Variants in ATP13A4 observed in about 807,000 individuals in gnomAD.
ATP13A4 encodes the protein probable cation-transporting ATPase 13A4.
ATP13A4 carries 114 observed loss-of-function variants against 142.5 expected under a neutral mutation model. The ratio of observed to expected loss-of-function variants is 0.80; its 90% CI spans 0.69 to 0.93. The LOEUF (loss-of-function observed/expected upper bound fraction) is 0.93. ATP13A4 is among the 40% of genes least tolerant of loss of function. The pLI is 0.00. For missense variants in ATP13A4, 1,392 were observed against 1,454.0 expected (o/e 0.96, Z 0.69); for synonymous variants, 488 against 514.8 (o/e 0.95, Z 0.70).
intron 2 of ATP13A4, among the ~76,000 whole-genome samples, chr3:193,565,851 G>A (rs1459625408): frequency 2.0e-5 from 3 of 152,228 alleles, no homozygotes; most frequent in African/African-American, 4.8e-5. Context: ...ACTATGTGAT[G>A]TTGAACGCAC....
intron 8 of ATP13A4, among the ~76,000 whole-genome samples, chr3:193,478,947 T>C (rs1021248244): frequency 3.9e-5 from 6 of 152,118 alleles, no homozygotes; most frequent in African/African-American, 1.4e-4. Context: ...ATACCAAGAA[T>C]GCAGGGATGA....
chr3:193,408,033 T>A (rs969761474), intron 28 of ATP13A4, among the ~76,000 whole-genome samples: 1 of 152,254 alleles, frequency 6.6e-6, no homozygotes, highest in Non-Finnish European at 1.5e-5. Flanking sequence ...TTTCTCTGTG[T>A]CTTCCCCAAC....
At chr3:193,449,974 T>C (rs1478854414) in intron 17 of ATP13A4, among the ~76,000 whole-genome samples, 3 of 151,836 alleles carry the variant, frequency 2.0e-5, no homozygotes, top group Non-Finnish European at 2.9e-5. Context: ...ACAACATTAG[T>C]TGGGCATGGT....
rs1185853721 is a variant in ATP13A4, at chr3:193,424,939, C to G, written c.2842+8906G>C. Among the ~76,000 whole-genome samples, 2 of 147,918 alleles carry G rather than the reference C, an allele frequency of 1.4e-5. 1 individual carries two copies. The highest frequency in any genetic ancestry group is 5.0e-5 in the African/African-American group (2 of 40,282). ...TAAACTATGCAGTATAATAAAATAG[C>G]CCCTGACAAGGGATTAATATCCAGA... is the stretch of plus-strand genomic sequence containing the variant. On this transcript the variant is annotated intron_variant, in intron 25 of 29. Coordinates refer to ENST00000342695, the MANE Select transcript of ATP13A4 (RefSeq NM_032279.4).
intron 17 of ATP13A4, among the ~76,000 whole-genome samples, chr3:193,452,507 A>G (rs1717338403): frequency 6.6e-6 from 1 of 150,480 alleles, no homozygotes. Flanking sequence ...AAAGTGAGAG[A>G]GTTGGGTCAC....
intron 1 of ATP13A4, among the ~76,000 whole-genome samples, chr3:193,589,881 T>A (rs963565967): frequency 2.0e-5 from 3 of 150,760 alleles, no homozygotes; most frequent in Non-Finnish European, 2.9e-5. Context: ...GTCTGTTGTA[T>A]AATGTCATAT....
intron 7 of ATP13A4, among the ~76,000 whole-genome samples, chr3:193,486,726 G>A (rs1719644218): frequency 1.3e-5 from 2 of 152,240 alleles, no homozygotes; most frequent in Admixed American, 1.3e-4. Context: ...CTGGATTTGA[G>A]ATACATATAC....
chr3:193,413,115 G>T (rs956967710), intron 26 of ATP13A4, among the ~76,000 whole-genome samples: 1 of 152,132 alleles, frequency 6.6e-6, no homozygotes, highest in South Asian at 2.1e-4. Context: ...AAATTGTGAA[G>T]ATTTCATTTT....
At chr3:193,478,253 A>C (rs1369506686) in intron 8 of ATP13A4, among the ~76,000 whole-genome samples, 1 of 151,970 alleles carries the variant, frequency 6.6e-6, no homozygotes, top group African/African-American at 2.4e-5. Context: ...ACCCAGCAGA[A>C]GAAAATAAAT....
chr3:193,549,533 T>TA (rs1013579134), intron 1 of ATP13A4, among the ~76,000 whole-genome samples: 4 of 152,130 alleles, frequency 2.6e-5, no homozygotes, highest in South Asian at 2.1e-4. Flanking sequence ...CCATTTTTGT[T>TA]AAAAAATACA....
chr3:193,559,381 T>G (rs1348801137), upstream of ATP13A4, among the ~76,000 whole-genome samples: 3 of 152,188 alleles, frequency 2.0e-5, no homozygotes, highest in Non-Finnish European at 4.4e-5. Flanking sequence ...TCCTCAGCCC[T>G]CATTACACAA....
chr3:193,472,643 C>T (rs187436768), intron 8 of ATP13A4, among the ~76,000 whole-genome samples: 2 of 152,274 alleles, frequency 1.3e-5, no homozygotes, highest in Non-Finnish European at 2.9e-5. Context: ...ACGTTACAAC[C>T]ACAGTGTGTA....
chr3:193,472,665 A>G (rs1718692830), intron 8 of ATP13A4, among the ~76,000 whole-genome samples: 3 of 152,206 alleles, frequency 2.0e-5, no homozygotes, highest in African/African-American at 7.2e-5. Flanking sequence ...GTGCTTAGAT[A>G]ACATGGTAAA....
At chr3:193,566,665 T>C (rs1724141419) in intron 2 of ATP13A4, among the ~76,000 whole-genome samples, 1 of 152,220 alleles carries the variant, frequency 6.6e-6, no homozygotes, top group Admixed American at 6.5e-5. Flanking sequence ...TCACCATTCC[T>C]TTCCACTACA....
intron 2 of ATP13A4, 125 bp from the exon 3 acceptor site, chr3:193,502,764 A>G: frequency 9.6e-7 from 1 of 1,044,158 alleles, no homozygotes; most frequent in Non-Finnish European, 1.4e-6. Flanking sequence ...TTCTAGACAG[A>G]ACGGTTTGTC....
intron 8 of ATP13A4, among the ~76,000 whole-genome samples, chr3:193,481,435 A>G (rs548526960): frequency 6.6e-6 from 1 of 152,200 alleles, no homozygotes; most frequent in Non-Finnish European, 1.5e-5. Context: ...TATTTCCACA[A>G]TTTAGAATAC....
At chr3:193,447,652 G>A (rs1039728833) in intron 18 of ATP13A4, among the ~76,000 whole-genome samples, 5 of 152,134 alleles carry the variant, frequency 3.3e-5, no homozygotes, top group Non-Finnish European at 7.4e-5. Context: ...ATTTCATTAA[G>A]AAATTTCACA....
chr3:193,486,854 T>C (rs1267109205), intron 7 of ATP13A4, among the ~76,000 whole-genome samples: 1 of 152,202 alleles, frequency 6.6e-6, no homozygotes, highest in Admixed American at 6.5e-5. Flanking sequence ...TTAATAGTAA[T>C]TTTTTAAATA....
Position 193,582,731 on chromosome 3 carries a change from AAT to A in ATP13A4, n.92-827_92-826del, listed in dbSNP as rs1289662591. ...ATATATATGTATATTACATATATAA[AAT>A]ATATATGTATAATACATATATAAAA... On this transcript the variant is annotated intron_variant and non_coding_transcript_variant, in intron 1 of 3. Coordinates refer to the ATP13A4 transcript ENST00000489140. 4.1e-3 allele frequency among the ~76,000 whole-genome samples: 205 copies of A among 49,426 alleles called. 55 individuals are homozygous for A. The highest frequency in any genetic ancestry group is 6.1e-3 in the Non-Finnish European group (176 of 28,674). 32.4% of individuals were successfully genotyped at this position (49,426 alleles called of 152,430 possible).
Sources: allele counts gnomAD v4.1 joint callset (sites outside exome capture counted in the v4.1 genomes callset), GRCh38; gene constraint gnomAD v4.1.1; transcripts MANE v1.5; gene names NCBI Gene and HGNC (gene_info 2026-07-23, HGNC 2026-07-21).